Variants in CTNNA2 observed in about 807,000 individuals in gnomAD.
The protein encoded by CTNNA2 is catenin alpha 2, also known as catenin alpha-2.
In CTNNA2, 42 loss-of-function variants were observed where a neutral mutation model predicts 101.0. The ratio of observed to expected loss-of-function variants is 0.42; its 90% CI spans 0.32 to 0.54. The LOEUF (loss-of-function observed/expected upper bound fraction) is 0.54, where lower values mean the gene tolerates loss of function less well. Among genes scored for constraint, CTNNA2 ranks in the 20% least tolerant of loss-of-function variants. CTNNA2 has a pLI of 0.14. For synonymous variants in CTNNA2, 450 were observed against 456.4 expected (o/e 0.99, Z 0.18); for missense variants, 871 against 1,223.1 (o/e 0.71, Z 4.29).
At chr2:80,590,501 AAAT>A (rs1288969962) in intron 15 of CTNNA2, among the ~76,000 whole-genome samples, 1 of 152,114 alleles carries the variant, frequency 6.6e-6, no homozygotes, top group East Asian at 1.9e-4. Flanking sequence ...TTTGTTATTG[AAAT>A]AATGTAAGAT....
chr2:79,691,601 A>G (rs1041305337), intron 2 of CTNNA2, among the ~76,000 whole-genome samples: 32 of 152,298 alleles, frequency 2.1e-4, no homozygotes, highest in African/African-American at 7.7e-4. Context: ...AGCTGAAAGC[A>G]TCATGCTACC....
intron 9 of CTNNA2, among the ~76,000 whole-genome samples, chr2:80,425,043 C>A (rs1680873177): frequency 6.6e-6 from 1 of 152,188 alleles, no homozygotes; most frequent in South Asian, 2.1e-4. Context: ...TTTCTGACTT[C>A]TCAGATTCTC....
chr2:79,655,710 A>G (rs1681562389), intron 2 of CTNNA2, among the ~76,000 whole-genome samples: 1 of 151,834 alleles, frequency 6.6e-6, no homozygotes, highest in Non-Finnish European at 1.5e-5. Flanking sequence ...ATGCCTGTAA[A>G]CCCAGCTACT....
At position 79,907,149 on chromosome 2, in the gene CTNNA2, T is replaced by C. The variant is rs115435130; in HGVS notation, c.853-2445T>C. Among the ~76,000 whole-genome samples the C allele has an allele frequency of 3.7e-3, 558 of 152,104 alleles. 5 individuals carry two copies. Among genetic ancestry groups the C allele is most frequent in the African/African-American group, 0.012 (517 of 41,474 alleles). On this transcript the variant is annotated intron_variant, in intron 6 of 18. Coordinates refer to ENST00000402739, the MANE Select transcript of CTNNA2 (RefSeq NM_001282597.3). The stretch of plus-strand genomic sequence containing the variant: ...AAAGCCAGTATATGATTCTGAAGAG[T>C]CTCCTGAAATCTTAAAGCAGAACAT...
intron 4 of CTNNA2, among the ~76,000 whole-genome samples, chr2:79,860,569 G>A (rs1420032788): frequency 5.2e-4 from 6 of 11,642 alleles, no homozygotes; most frequent in Admixed American, 4.8e-3. Context: ...TTTTTTTAAC[G>A]ATTTAGCACA....
chr2:79,264,795 T>C (rs1674968879), intron 2 of CTNNA2, among the ~76,000 whole-genome samples: 1 of 152,088 alleles, frequency 6.6e-6, no homozygotes, highest in Non-Finnish European at 1.5e-5. Context: ...AACACAGCTG[T>C]GAAGAGAAGG....
chr2:79,933,609 C>T lies in CTNNA2; in HGVS notation c.1056+23812C>T, dbSNP rs543418187. ...AGCCAGGATTACAGGCACCTGCCACCACACCTGACTAATTTTTGTATTTTT... is the reference window on the plus strand; with the variant it reads ...AGCCAGGATTACAGGCACCTGCCACTACACCTGACTAATTTTTGTATTTTT... On this transcript the variant is annotated intron_variant, in intron 7 of 18. Coordinates refer to ENST00000402739, the MANE Select transcript of CTNNA2 (RefSeq NM_001282597.3). Among the ~76,000 whole-genome samples the T allele has an allele frequency of 2.0e-5, 3 of 152,198 alleles. No individual in the cohort carries two copies. The South Asian group carries it at 6.2e-4, about 32-fold the overall frequency.
At chr2:79,961,573 A>G (rs1206257457) in intron 7 of CTNNA2, among the ~76,000 whole-genome samples, 1 of 152,166 alleles carries the variant, frequency 6.6e-6, no homozygotes, top group Non-Finnish European at 1.5e-5. Flanking sequence ...CTGTAATCCC[A>G]GCAGTTTGGG....
intron 9 of CTNNA2, among the ~76,000 whole-genome samples, chr2:80,534,695 A>T (rs574309332): frequency 6.6e-6 from 1 of 152,168 alleles, no homozygotes; most frequent in African/African-American, 2.4e-5. Flanking sequence ...AAGAAGAAAC[A>T]GTGTTGAGGA....
chr2:79,895,818 A>G lies in CTNNA2; in HGVS notation c.853-13776A>G, dbSNP rs186007865. On this transcript the variant is annotated intron_variant, in intron 6 of 18. Coordinates refer to ENST00000402739, the MANE Select transcript of CTNNA2 (RefSeq NM_001282597.3). ...GGTTTATCCACCGACTTAAAAATGTAAAAATTATTATTAGCTTTATAAGCT... is the reference window on the plus strand; with the variant it reads ...GGTTTATCCACCGACTTAAAAATGTGAAAATTATTATTAGCTTTATAAGCT... Among the ~76,000 whole-genome samples, 731 of 152,014 alleles carry G rather than the reference A, an allele frequency of 4.8e-3. 4 individuals carry two copies. Among genetic ancestry groups the G allele is most frequent in the Non-Finnish European group, 8.0e-3 (544 of 68,010 alleles).
intron 4 of CTNNA2, among the ~76,000 whole-genome samples, chr2:79,430,933 G>A (rs6751959): frequency 0.3 from 45,134 of 151,952 alleles, 6,944 homozygotes; most frequent in South Asian, 0.44. Context: ...TAAAATTGTT[G>A]TATTTTATTA....
At chr2:79,311,859 A>G (rs942095204) in intron 2 of CTNNA2, among the ~76,000 whole-genome samples, 5 of 152,144 alleles carry the variant, frequency 3.3e-5, no homozygotes, top group African/African-American at 9.7e-5. Context: ...GTAGTTACAC[A>G]TGCAATTTAT....
intron 7 of CTNNA2, among the ~76,000 whole-genome samples, chr2:80,111,429 A>T (rs1008080777): frequency 9.2e-5 from 14 of 152,218 alleles, no homozygotes; most frequent in South Asian, 2.1e-4. Context: ...CCTGCACATG[A>T]CCAGCTGTCC....
intron 6 of CTNNA2, among the ~76,000 whole-genome samples, chr2:79,899,778 G>A (rs1684959206): frequency 1.3e-5 from 2 of 152,120 alleles, no homozygotes; most frequent in Admixed American, 6.5e-5. Context: ...TAAAAATTAA[G>A]GCAAATCTAA....
chr2:80,234,367 T>C (rs1267345574), intron 7 of CTNNA2, among the ~76,000 whole-genome samples: 1 of 152,194 alleles, frequency 6.6e-6, no homozygotes, highest in Non-Finnish European at 1.5e-5. Flanking sequence ...TGTTAGAAGG[T>C]ATTAATCTTC....
rs572103065 is a variant in CTNNA2, at chr2:79,694,015, A to G, written c.102+42357A>G. On this transcript the variant is annotated intron_variant, in intron 2 of 18. Transcript: ENST00000402739. ...TTTTTACAAATATTGTATTATTCATATAGTGTTTGCACATACTTATATGAA... is the reference window on the plus strand; with the variant it reads ...TTTTTACAAATATTGTATTATTCATGTAGTGTTTGCACATACTTATATGAA... 1.2e-3 allele frequency among the ~76,000 whole-genome samples: 190 copies of G among 152,112 alleles called. 1 individual carries two copies. The highest frequency in any genetic ancestry group is 4.4e-3 in the African/African-American group (182 of 41,530).
chr2:79,293,843 A>C (rs1255348965), intron 2 of CTNNA2, among the ~76,000 whole-genome samples: 1 of 152,174 alleles, frequency 6.6e-6, no homozygotes, highest in East Asian at 1.9e-4. Context: ...ATGAAATACA[A>C]ATAATTCACC....
At chr2:79,814,608 TACACACAC>T (rs146240455) in intron 3 of CTNNA2, among the ~76,000 whole-genome samples, 74 of 145,094 alleles carry the variant, frequency 5.1e-4, no homozygotes, top group Non-Finnish European at 9.7e-4. Context: ...TATGTGTGTA[TACACACAC>T]ACACACACAC....
intron 9 of CTNNA2, among the ~76,000 whole-genome samples, chr2:80,516,923 C>A (rs775688994): frequency 2.0e-5 from 3 of 152,114 alleles, no homozygotes; most frequent in African/African-American, 7.2e-5. Context: ...ATTTTTATTT[C>A]TTTGCTTCAT....
Sources: gnomAD v4.1 joint callset for allele counts (sites outside exome capture counted in the v4.1 genomes callset) on GRCh38, gnomAD v4.1.1 for gene constraint, MANE v1.5 for transcripts, NCBI Gene and HGNC (gene_info 2026-07-23, HGNC 2026-07-21) for gene names.